Variants in TTC39A observed in about 807,000 individuals in gnomAD.
The protein encoded by TTC39A is tetratricopeptide repeat protein 39A.
TTC39A carries 46 observed loss-of-function variants against 82.3 expected under a neutral mutation model. The observed-to-expected ratio is 0.56, with a 90% CI of 0.44 to 0.71. The LOEUF (loss-of-function observed/expected upper bound fraction) is 0.71, where lower values mean the gene tolerates loss of function less well. Among genes scored for constraint, TTC39A ranks in the 30% least tolerant of loss-of-function variants. TTC39A has a pLI of 0.00. For missense variants in TTC39A, 543 were observed against 712.9 expected (o/e 0.76, Z 2.71); for synonymous variants, 254 against 275.2 (o/e 0.92, Z 0.76).
chr1:51,317,930 C>T (rs1190866739), intron 2 of TTC39A, among the ~76,000 whole-genome samples: 1 of 152,164 alleles, frequency 6.6e-6, no homozygotes, highest in Admixed American at 6.5e-5. Context: ...ATCCTGAGTG[C>T]TACAGGACTC....
At position 51,290,133 on chromosome 1, in the gene TTC39A, T is replaced by C; in HGVS notation, c.1379-14A>G. On this transcript the variant is annotated splice_polypyrimidine_tract_variant and intron_variant, in intron 15 of 17. Transcript: ENST00000680483. Reference sequence around the variant, plus strand: ...AGTACTCGTTCTCTGAAAATAGGGATGTGAGGGAAAAAGACAGACTTGTTC... The same window carrying C: ...AGTACTCGTTCTCTGAAAATAGGGACGTGAGGGAAAAAGACAGACTTGTTC... 6.2e-7 allele frequency: 1 copy of C among 1,607,900 alleles called. No homozygotes were observed. The highest frequency in any genetic ancestry group is 8.5e-7 in the Non-Finnish European group (1 of 1,176,956).
chr1:51,326,258 G>C (rs916030753), intron 1 of TTC39A, among the ~76,000 whole-genome samples: 1 of 152,152 alleles, frequency 6.6e-6, no homozygotes, highest in South Asian at 2.1e-4. Flanking sequence ...GGCGGAAGGA[G>C]GATGGCATCA....
chr1:51,290,274 A>G (rs1057266564), intron 15 of TTC39A, among the ~76,000 whole-genome samples, 155 bp from the exon 16 acceptor site: 5 of 152,234 alleles, frequency 3.3e-5, no homozygotes, highest in African/African-American at 1.2e-4. Context: ...GGAAAGGCAA[A>G]TACTGAGACA....
Position 51,303,211 on chromosome 1 carries a change from G to GAGCACAGAGC in TTC39A, c.655-20_655-19insGCTCTGTGCT. Reference sequence around the variant, plus strand: ...CATAGTCCTGAGGGGATGGGAGGGTGGGTGAGGCTCCCAGAGAGGGCAGGG... The same window carrying GAGCACAGAGC: ...CATAGTCCTGAGGGGATGGGAGGGTGAGCACAGAGCGGTGAGGCTCCCAGAGAGGGCAGGG... On this transcript the variant is annotated intron_variant, in intron 8 of 17. Coordinates refer to ENST00000680483, the MANE Select transcript of TTC39A (RefSeq NM_001297663.2). 2.0e-6 allele frequency: 3 copies of GAGCACAGAGC among 1,489,740 alleles called. No individual in the cohort carries two copies. The highest frequency in any genetic ancestry group is 2.8e-6 in the Non-Finnish European group (3 of 1,090,736). 92.3% of individuals were successfully genotyped at this position (1,489,740 alleles called of 1,614,324 possible).
At chr1:51,315,831 A>G (rs527641412) in intron 2 of TTC39A, among the ~76,000 whole-genome samples, 1 of 152,212 alleles carries the variant, frequency 6.6e-6, no homozygotes, top group Admixed American at 6.5e-5. Flanking sequence ...CATCCAGTCC[A>G]TCTCAGTGTA....
chr1:51,300,305 C>G (rs1030391739), intron 12 of TTC39A: 19 of 152,476 alleles, frequency 1.2e-4, no homozygotes, highest in African/African-American at 4.3e-4. Context: ...TCCCCAGCCC[C>G]ACCTGCCCCA....
chr1:51,302,862 ACCC>A (rs1056076988), intron 9 of TTC39A, among the ~76,000 whole-genome samples: 3 of 152,088 alleles, frequency 2.0e-5, no homozygotes, highest in Non-Finnish European at 4.4e-5. Context: ...GGGCACAACC[ACCC>A]CCATTTCACA....
At chr1:51,312,240 C>G in intron 3 of TTC39A, 45 bp from the exon 4 acceptor site, 1 of 1,535,234 alleles carries the variant, frequency 6.5e-7, no homozygotes, top group Non-Finnish European at 8.9e-7. Context: ...TAGAGAGAGG[C>G]CACACTTGTC....
At chr1:51,329,751 G>C (rs1645835658) in intron 1 of TTC39A, 3 of 152,452 alleles carry the variant, frequency 2.0e-5, no homozygotes. Context: ...AGGAAAAGCA[G>C]AGAGTTGCTG....
chr1:51,330,408 G>T lies in TTC39A; in HGVS notation c.41+29C>A, dbSNP rs1645869136. The T allele has an allele frequency of 2.0e-6, 2 of 978,810 alleles. No homozygotes were observed. Among genetic ancestry groups the T allele is most frequent in the Non-Finnish European group, 1.2e-6 (1 of 826,924 alleles). The allele number at this position is 978,810 out of a possible 1,614,324, so 60.6% of individuals were successfully genotyped here. A position where few individuals can be genotyped will look rare whatever the true frequency, so the allele number is the denominator to read the frequency against. ...CCGGGCCCCAGCCCGCGCCGCCCGC[G>T]CCCCCGGGCCTCCCAGCCGCGCACT... On this transcript the variant is annotated intron_variant, in intron 1 of 17. Transcript: ENST00000680483. The surrounding 1 kb of genome is among the most constrained non-coding windows in gnomAD (Gnocchi z 4.5).
rs1644344198 is a variant in TTC39A at position 51,294,577 on chromosome 1, C to G, written c.1146-66G>C. 1.9e-5 allele frequency: 30 copies of G among 1,603,164 alleles called. No individual in the cohort carries two copies. The highest frequency in any genetic ancestry group is 2.6e-5 in the Non-Finnish European group (30 of 1,175,278). ...GCAGGAGAGGGCAGAGGGTCCCCAG[C>G]CTACCCAGCTATGCTTGGCGCCTCT... On this transcript the variant is annotated intron_variant, in intron 13 of 17. Transcript: ENST00000680483. This position sits in a 1 kb window ranked among gnomAD's most constrained non-coding sequence, Gnocchi z 4.3.
chr1:51,295,272 A>G (rs1275508905), intron 13 of TTC39A, among the ~76,000 whole-genome samples: 1 of 152,232 alleles, frequency 6.6e-6, no homozygotes, highest in African/African-American at 2.4e-5. Flanking sequence ...AGAGGGGGAC[A>G]TGGAGTCTGC....
At position 51,302,378 on chromosome 1, in the gene TTC39A, G is replaced by T; in HGVS notation, c.870C>A (p.Val290=). 1 of 1,608,254 alleles carries T rather than the reference G, an allele frequency of 6.2e-7. No homozygotes were observed. The highest frequency in any genetic ancestry group is 1.1e-5 in the South Asian group (1 of 89,648). ...IFLFFAGRIE[V]IKGNIDAAIR... ...TCACTGCATCAATGTTGCCTTTAAT[G>T]ACTTCAATCCTCCCTGCAAAGAACA... is the stretch of plus-strand genomic sequence containing the variant. Residue 290 remains valine, a synonymous_variant, in exon 11 of 18, where the codon GTC becomes GTA. Transcript: ENST00000680483.
At position 51,290,584 on chromosome 1, in the gene TTC39A, C is replaced by T; in HGVS notation, c.1308G>A (p.Lys436=). ...GTATCCCATCCGTGAGTTTCGGCTGCTTCCCAATCACGGCGTAGCCGTTCC... is the reference window on the plus strand; with the variant it reads ...GTATCCCATCCGTGAGTTTCGGCTGTTTCCCAATCACGGCGTAGCCGTTCC... ...YIWNGYAVIG[K]QPKLTDGILE... The change falls in exon 15 of 18, where the codon AAG becomes AAA. Residue 436 remains lysine (K), a synonymous_variant. Coordinates refer to ENST00000680483, the MANE Select transcript of TTC39A (RefSeq NM_001297663.2). 6.2e-7 allele frequency: 1 copy of T among 1,613,964 alleles called. No homozygotes were observed.
In TTC39A at chr1:51,321,376, A is replaced by G. The variant is rs896026864; in HGVS notation, c.146+345T>C. On this transcript the variant is annotated intron_variant, in intron 2 of 17. Transcript: ENST00000680483. The surrounding 1 kb of genome is among the most constrained non-coding windows in gnomAD (Gnocchi z 4.6). The stretch of plus-strand genomic sequence containing the variant: ...TCTTGATTGCCCTAAAACACCCAGG[A>G]AAGCAGGCAACCTAAGTCTTTAGTG... 1.3e-5 allele frequency among the ~76,000 whole-genome samples: 2 copies of G among 152,224 alleles called. No homozygotes were observed. The highest frequency in any genetic ancestry group is 6.5e-5 in the Admixed American group (1 of 15,288).
At chr1:51,312,980 T>C (rs764061096) in intron 2 of TTC39A, 37 bp from the exon 3 acceptor site, 2 of 1,599,434 alleles carry the variant, frequency 1.3e-6, no homozygotes, top group Non-Finnish European at 1.7e-6. Context: ...CACCACCTTA[T>C]AGAGCCCCAG....
chr1:51,313,030 A>G, intron 2 of TTC39A, 87 bp from the exon 3 acceptor site: 1 of 1,535,286 alleles, frequency 6.5e-7, no homozygotes, highest in Non-Finnish European at 8.8e-7. Flanking sequence ...ACCCTCCTCC[A>G]TTCTGCAGTG....
chr1:51,303,666 A>G (rs897361237), intron 8 of TTC39A, among the ~76,000 whole-genome samples: 9 of 152,270 alleles, frequency 5.9e-5, no homozygotes, highest in Admixed American at 5.2e-4. Flanking sequence ...CCCTGCCTGC[A>G]GTCTCTGCCC....
At chr1:51,313,463 C>T (rs951356128) in intron 2 of TTC39A, among the ~76,000 whole-genome samples, 4 of 152,158 alleles carry the variant, frequency 2.6e-5, no homozygotes, top group Non-Finnish European at 1.5e-5. Flanking sequence ...GATCATGGTG[C>T]CCAGTGGTTA....
Sources: allele counts gnomAD v4.1 joint callset (sites outside exome capture counted in the v4.1 genomes callset), GRCh38; gene constraint gnomAD v4.1.1; non-coding constraint Gnocchi (gnomAD v3.1); transcripts MANE v1.5; gene names NCBI Gene and HGNC (gene_info 2026-07-23, HGNC 2026-07-21).